Variants in ITGA2 observed in about 807,000 individuals in gnomAD.
ITGA2 encodes the protein integrin alpha-2.
A neutral mutation model predicts 146.3 loss-of-function variants in ITGA2; 101 were observed. The ratio of observed to expected loss-of-function variants is 0.69; its 90% CI spans 0.59 to 0.81. The LOEUF is 0.81. ITGA2 is among the 40% of genes least tolerant of loss of function. The probability of loss-of-function intolerance (pLI) is 0.00; values close to 1 mark genes in which losing one functional copy is unlikely to be tolerated. For synonymous variants in ITGA2, 477 were observed against 487.1 expected, an observed-to-expected ratio of 0.98 and a Z score of 0.27; for missense variants, 1,281 against 1,402.7, an observed-to-expected ratio of 0.91 and a Z score of 1.39.
At chr5:53,038,207 T>TAAAA (rs34975562) in intron 2 of ITGA2, among the ~76,000 whole-genome samples, 9,055 of 144,154 alleles carry the variant, frequency 0.063, 305 homozygotes, top group Non-Finnish European at 0.069. Flanking sequence ...GAGGCTCTGA[T>TAAAA]AAAAAAAAAA....
chr5:53,044,846 C>T (rs1297185705), intron 3 of ITGA2, among the ~76,000 whole-genome samples, 155 bp from the exon 4 acceptor site: 3 of 152,210 alleles, frequency 2.0e-5, no homozygotes, highest in Non-Finnish European at 4.4e-5. Context: ...GAAAGCATCG[C>T]GTTTCCCCAC....
intron 11 of ITGA2, among the ~76,000 whole-genome samples, chr5:53,060,425 A>C (rs1279484386): frequency 1.3e-5 from 2 of 151,920 alleles, no homozygotes; most frequent in African/African-American, 4.8e-5. Flanking sequence ...TAAACATTTA[A>C]ATCTTTCCAA....
In ITGA2 at chr5:53,002,053, A is replaced by T. The variant is rs532004714; in HGVS notation, c.64+12521A>T. ...TGTTTTAGAGTCCCCTTTTAAAAAA[A>T]TATTGATTTTTAATTTTCCAAATTC... On this transcript the variant is annotated intron_variant, in intron 1 of 29. Transcript: ENST00000296585. Among the ~76,000 whole-genome samples, 47 of 152,280 alleles carry T rather than the reference A, an allele frequency of 3.1e-4. No individual in the cohort carries two copies. In the East Asian group the frequency reaches 8.1e-3, roughly 26 times the overall value.
Position 53,083,449 on chromosome 5 carries a change from CATCAGTAA to C in ITGA2, c.3255_3258+4del. 1.3e-6 allele frequency: 2 copies of C among 1,523,082 alleles called. No individual in the cohort carries two copies. Among genetic ancestry groups the C allele is most frequent in the Non-Finnish European group, 1.8e-6 (2 of 1,096,920 alleles). 94.3% of individuals were successfully genotyped at this position (1,523,082 alleles called of 1,614,324 possible). The stretch of plus-strand genomic sequence containing the variant: ...ACCAGAATTTGGAACGGGACTTTCG[CATCAGTAA>C]GTATCAGTTTTATTTGTTAGATTTA... On this transcript the variant is annotated splice_donor_variant and splice_donor_region_variant and coding_sequence_variant and intron_variant, in exon 27 of 30. Coordinates refer to ENST00000296585, the MANE Select transcript of ITGA2 (RefSeq NM_002203.4). LOFTEE classifies it high-confidence loss of function.
intron 9 of ITGA2, among the ~76,000 whole-genome samples, chr5:53,056,412 A>G (rs1342444151): frequency 6.6e-6 from 1 of 152,032 alleles, no homozygotes; most frequent in Non-Finnish European, 1.5e-5. Flanking sequence ...CATAAATTAA[A>G]CCGACAATAT....
intron 1 of ITGA2, among the ~76,000 whole-genome samples, chr5:53,024,061 A>G (rs984819360): frequency 5.3e-5 from 8 of 152,226 alleles, no homozygotes; most frequent in Admixed American, 2.6e-4. Context: ...ATGAATAGAA[A>G]TTCTGGACAA....
intron 2 of ITGA2, among the ~76,000 whole-genome samples, chr5:53,036,513 G>A (rs2111860896): frequency 6.6e-6 from 1 of 152,144 alleles, no homozygotes; most frequent in East Asian, 1.9e-4. Context: ...AGACTATTCT[G>A]CCACTAGAGT....
intron 20 of ITGA2, among the ~76,000 whole-genome samples, chr5:53,073,944 TAAAA>T (rs376587596): frequency 0.19 from 13,189 of 67,758 alleles, 681 homozygotes; most frequent in Middle Eastern, 0.31. Context: ...TGAAGAAAAC[TAAAA>T]AAAAAAAAAA....
chr5:53,017,753 C>T (rs994021699), intron 1 of ITGA2, among the ~76,000 whole-genome samples: 1 of 152,146 alleles, frequency 6.6e-6, no homozygotes, highest in Non-Finnish European at 1.5e-5. Context: ...GCTGCCCACA[C>T]ATCAGCTGGG....
At chr5:53,047,074 A>C (rs1167966521) in intron 4 of ITGA2, among the ~76,000 whole-genome samples, 2 of 152,186 alleles carry the variant, frequency 1.3e-5, no homozygotes, top group Admixed American at 6.5e-5. Flanking sequence ...AATTGGCAAA[A>C]TAAATCAGTT....
intron 1 of ITGA2, among the ~76,000 whole-genome samples, chr5:53,001,141 G>T (rs945721507): frequency 6.6e-6 from 1 of 151,756 alleles, no homozygotes; most frequent in African/African-American, 2.4e-5. Context: ...ATCTCAAGTG[G>T]TCCACCCACC....
chr5:53,017,500 C>T (rs962376028), intron 1 of ITGA2, among the ~76,000 whole-genome samples: 2 of 152,200 alleles, frequency 1.3e-5, no homozygotes, highest in African/African-American at 2.4e-5. Context: ...CACAACACTC[C>T]GATGGGGGAA....
chr5:53,062,626 C>T (rs1054034194), intron 12 of ITGA2, among the ~76,000 whole-genome samples, 160 bp from the exon 13 acceptor site: 11 of 151,874 alleles, frequency 7.2e-5, no homozygotes, highest in Admixed American at 6.6e-5. Flanking sequence ...GTGTTAGAAC[C>T]TGAGGGAAGG....
rs1744722695 is a variant in ITGA2, at chr5:53,058,079, G to A, written c.1151G>A (p.Ser384Asn). The A allele has an allele frequency of 6.2e-7, 1 of 1,611,252 alleles. No homozygotes were observed. Among genetic ancestry groups the A allele is most frequent in the African/African-American group, 1.3e-5 (1 of 74,782 alleles). The change falls in exon 10 of 30, where the codon AGT becomes AAT. Residue 384 changes from serine to asparagine, a missense_variant. Ser to Asn is a conservative substitution (Grantham distance 46). This residue lies in a region of ITGA2 where 795 missense variants were observed against 841.7 expected (regional missense o/e 0.94). Coordinates refer to ENST00000296585, the MANE Select transcript of ITGA2 (RefSeq NM_002203.4). The part of the protein sequence containing the change: ...FQMEMSQVGF[S>N]ADYSSQNDIL... ...ATGGAAATGTCACAAGTGGGATTCA[G>A]TGCAGATTACTCTTCTCAAAATGTG...
chr5:53,060,817 C>A, intron 11 of ITGA2, 84 bp from the exon 12 acceptor site: 1 of 1,295,998 alleles, frequency 7.7e-7, no homozygotes, highest in Non-Finnish European at 1.1e-6. Context: ...ACAAAAGGAT[C>A]TCTGGTCACC....
intron 26 of ITGA2, 104 bp downstream of exon 26, chr5:53,081,800 T>A (rs1290892322): frequency 1.3e-6 from 1 of 799,894 alleles, no homozygotes; most frequent in Non-Finnish European, 2.1e-6. Context: ...GCTTTCTTAT[T>A]TTGCCTTTGA....
intron 1 of ITGA2, among the ~76,000 whole-genome samples, chr5:52,992,909 C>A (rs1278701856): frequency 2.0e-5 from 3 of 152,060 alleles, no homozygotes; most frequent in East Asian, 1.9e-4. Context: ...ACACACACAC[C>A]ACACACATGC....
intron 3 of ITGA2, among the ~76,000 whole-genome samples, chr5:53,043,104 G>T (rs1743883391): frequency 6.6e-6 from 1 of 152,094 alleles, no homozygotes; most frequent in Admixed American, 6.6e-5. Context: ...TACAGAAGTT[G>T]AAGGGGATGA....
intron 1 of ITGA2, among the ~76,000 whole-genome samples, chr5:53,000,856 T>G (rs1392123942): frequency 6.6e-6 from 1 of 151,840 alleles, no homozygotes; most frequent in Non-Finnish European, 1.5e-5. Flanking sequence ...TGGGTGATAT[T>G]TTTCTACATA....
Sources: gnomAD v4.1 joint callset for allele counts (sites outside exome capture counted in the v4.1 genomes callset) on GRCh38, gnomAD v4.1.1 for gene constraint, gnomAD v4.1.1 regional missense constraint, MANE v1.5 for transcripts, NCBI Gene and HGNC (gene_info 2026-07-23, HGNC 2026-07-21) for gene names.